VWF: variants seen among roughly 807,000 people sequenced by gnomAD.
VWF encodes the protein von Willebrand factor.
A neutral mutation model predicts 308.6 loss-of-function variants in VWF; 176 were observed. The observed-to-expected ratio is 0.57, with a 90% confidence interval of 0.50 to 0.65. The LOEUF is 0.65. VWF is among the 30% of genes least tolerant of loss of function. The pLI is 0.00. For missense variants in VWF, 3,146 were observed against 3,648.2 expected (o/e 0.86, Z 3.55); for synonymous variants, 1,385 against 1,443.4 (o/e 0.96, Z 0.92).
intron 48 of VWF, 148 bp downstream of exon 48, chr12:5,953,348 A>G: frequency 1.5e-6 from 1 of 667,156 alleles, no homozygotes; most frequent in Non-Finnish European, 2.6e-6. Context: ...GCAATAAGTC[A>G]TCTATCTTTT....
Position 5,983,177 on chromosome 12 carries a change from C to G in VWF, c.7054G>C (p.Gly2352Arg). The change falls in exon 41 of 52, where the codon GGC becomes CGC. Residue 2352 changes from glycine (G) to arginine (R), a missense_variant. By Grantham distance (125) the Gly-to-Arg change is moderately radical (BLOSUM62 -2). Around this residue, in one of 3 missense-constraint regions of VWF, gnomAD observed 989 missense variants for 1,117.4 expected, o/e 0.89. Coordinates refer to ENST00000261405, the MANE Select transcript of VWF (RefSeq NM_000552.5). Reference protein sequence around the residue: ...RGLQPTLTNPGECRPNFTCAC... With the variant: ...RGLQPTLTNPRECRPNFTCAC... ...CAGGTGAAGTTGGGTCTGCACTCGC[C>G]AGGGTTGGTCAGTGTGGGCTGGAGG... is the stretch of plus-strand genomic sequence containing the variant. 6.2e-7 allele frequency: 1 copy of G among 1,614,018 alleles called. No individual in the cohort carries two copies. The highest frequency in any genetic ancestry group is 8.5e-7 in the Non-Finnish European group (1 of 1,179,976).
At chr12:6,050,224 G>A (rs1944494080) in intron 16 of VWF, among the ~76,000 whole-genome samples, 1 of 152,184 alleles carries the variant, frequency 6.6e-6, no homozygotes, top group Admixed American at 6.5e-5. Flanking sequence ...AGAACTCCAG[G>A]GCCATCTGCA....
At chr12:6,062,126 ATCC>A (rs34989239) in intron 13 of VWF, among the ~76,000 whole-genome samples, 1 of 152,212 alleles carries the variant, frequency 6.6e-6, no homozygotes, top group East Asian at 1.9e-4. Flanking sequence ...AATAAATATA[ATCC>A]TCCTACAAGA....
chr12:5,964,254 A>ACATGCATG (rs1242060457), intron 47 of VWF, among the ~76,000 whole-genome samples: 1 of 129,918 alleles, frequency 7.7e-6, no homozygotes, highest in African/African-American at 3.1e-5. Context: ...ATACATGCAT[A>ACATGCATG]CATACATACA....
chr12:6,014,193 G>C (rs1359675778), intron 31 of VWF, among the ~76,000 whole-genome samples: 3 of 152,056 alleles, frequency 2.0e-5, no homozygotes, highest in Non-Finnish European at 2.9e-5. Flanking sequence ...TGCTCCCGGG[G>C]GCTGGGGAGA....
rs59136197 is a variant in VWF, at chr12:6,107,094, G to C, written c.532+3280C>G. Among the ~76,000 whole-genome samples, 93 of 152,198 alleles carry C rather than the reference G, an allele frequency of 6.1e-4. No homozygotes were observed. In the East Asian group the frequency reaches 9.6e-3, roughly 16 times the overall value. ...TAGCAATAAATAGGAACAAACTACT[G>C]ATACATGCACCAATATGGATTAACC... On this transcript the variant is annotated intron_variant, in intron 5 of 51. Transcript: ENST00000261405.
intron 3 of VWF, among the ~76,000 whole-genome samples, chr12:6,117,591 G>A (rs977872396): frequency 6.6e-6 from 1 of 152,160 alleles, no homozygotes; most frequent in Non-Finnish European, 1.5e-5. Context: ...CGAGGCGGGC[G>A]GATCACCTGA....
intron 43 of VWF, among the ~76,000 whole-genome samples, chr12:5,972,172 G>A (rs1197017743): frequency 3.3e-5 from 5 of 152,194 alleles, no homozygotes; most frequent in Admixed American, 1.3e-4. Flanking sequence ...GCAGATTTGG[G>A]CTTCCCCAAG....
intron 6 of VWF, among the ~76,000 whole-genome samples, chr12:6,087,010 T>C (rs534187004): frequency 2.6e-5 from 4 of 152,196 alleles, no homozygotes; most frequent in African/African-American, 9.6e-5. Context: ...TACAAGATAA[T>C]GGAGGACGCG....
Position 6,019,188 on chromosome 12 carries a change from A to G in VWF, c.4230T>C (p.Ile1410=), listed in dbSNP as rs747690875. The G allele has an allele frequency of 5.0e-6, 8 of 1,613,862 alleles. No individual in the cohort carries two copies. In the Admixed American group the frequency reaches 1.0e-4, roughly 20 times the overall value. ...GGGGCCCAATGCCCACCGGGATCAC[A>G]ATGACCTTCTTCTTCTTCAGGCCCT... ...YVQGLKKKKV[I]VIPVGIGPHA... Residue 1410 remains isoleucine, a synonymous_variant, in exon 28 of 52, where the codon ATT becomes ATC. Transcript: ENST00000261405. The surrounding 1 kb of genome is among the most constrained non-coding windows in gnomAD (Gnocchi z 5.8).
At chr12:6,017,386 A>T (rs1339454849) in intron 28 of VWF, among the ~76,000 whole-genome samples, 1 of 152,218 alleles carries the variant, frequency 6.6e-6, no homozygotes, top group Non-Finnish European at 1.5e-5. Context: ...AAATGATGTA[A>T]TTGTTGTTTT....
chr12:6,036,583 G>C, intron 18 of VWF, 92 bp from the exon 19 acceptor site: 1 of 1,209,008 alleles, frequency 8.3e-7, no homozygotes, highest in Middle Eastern at 1.9e-4. Context: ...TCTGAGACTT[G>C]AGCCTACGGG....
intron 20 of VWF, 121 bp from the exon 21 acceptor site, chr12:6,031,699 T>C (rs1416450384): frequency 8.1e-6 from 12 of 1,481,720 alleles, no homozygotes; most frequent in Non-Finnish European, 1.1e-5. Flanking sequence ...GCCACGTCCA[T>C]GGCTGCGCAT....
intron 15 of VWF, among the ~76,000 whole-genome samples, chr12:6,055,151 T>C (rs1944561997): frequency 6.6e-6 from 1 of 152,226 alleles, no homozygotes; most frequent in Admixed American, 6.5e-5. Context: ...TCCCCTGTTC[T>C]GTTCAGTGGA....
chr12:6,011,997 A>C lies in VWF; in HGVS notation c.5664+90T>G, dbSNP rs1409511109. 2.0e-6 allele frequency: 3 copies of C among 1,516,074 alleles called. No homozygotes were observed. The African/African-American group carries it at 4.2e-5, about 21-fold the overall frequency. 93.9% of individuals were successfully genotyped at this position (1,516,074 alleles called of 1,614,324 possible). A position where few individuals can be genotyped will look rare whatever the true frequency, so the allele number is the denominator to read the frequency against. On this transcript the variant is annotated intron_variant, in intron 33 of 51. Coordinates refer to ENST00000261405, the MANE Select transcript of VWF (RefSeq NM_000552.5). ...TAATAGTAAAAGGAAGCACTGGACT[A>C]AGACCAAAGGAGGAAAAATTAACCA...
In VWF at chr12:6,092,628, T is replaced by TGAGAGAGAGAGAGAGAGA. The variant is rs1565386731; in HGVS notation, c.657+2831_657+2832insTCTCTCTCTCTCTCTCTC. Among the ~76,000 whole-genome samples, 54 of 80,220 alleles carry TGAGAGAGAGAGAGAGAGA rather than the reference T, an allele frequency of 6.7e-4. 1 individual carries two copies. The highest frequency in any genetic ancestry group is 3.4e-3 in the African/African-American group (45 of 13,272). 52.6% of individuals were successfully genotyped at this position (80,220 alleles called of 152,430 possible). A position where few individuals can be genotyped will look rare whatever the true frequency, so the allele number is the denominator to read the frequency against. Reference sequence around the variant, plus strand: ...TAGTGAGTGAGTGAGAGTGTGTGTGTGTGTGTGTGTGTGTGTGTGTGTGTG... The same window carrying TGAGAGAGAGAGAGAGAGA: ...TAGTGAGTGAGTGAGAGTGTGTGTGTGAGAGAGAGAGAGAGAGAGTGTGTGTGTGTGTGTGTGTGTGTG... On this transcript the variant is annotated intron_variant, in intron 6 of 51. Coordinates refer to ENST00000261405, the MANE Select transcript of VWF (RefSeq NM_000552.5).
At position 5,996,114 on chromosome 12, in the gene VWF, A is replaced by G; in HGVS notation, c.5951T>C (p.Leu1984Pro). The G allele has an allele frequency of 6.2e-7, 1 of 1,614,140 alleles. No individual in the cohort carries two copies. Among genetic ancestry groups the G allele is most frequent in the Non-Finnish European group, 8.5e-7 (1 of 1,180,026 alleles). Residue 1984 changes from leucine (L) to proline (P), a missense_variant, in exon 35 of 52, where the codon CTG becomes CCG. Leu to Pro is a moderately conservative substitution (Grantham distance 98). This residue lies in a region of VWF where 989 missense variants were observed against 1,117.4 expected (regional missense o/e 0.89). Coordinates refer to ENST00000261405, the MANE Select transcript of VWF (RefSeq NM_000552.5). ...YVLFQNKEQD[L>P]EVILHNGACS... is the part of the protein sequence containing the mutation. The stretch of plus-strand genomic sequence containing the variant: ...GGCACCATTATGGAGAATCACCTCC[A>G]GGTCCTGCTCCTTGTTTTGAAATAG...
chr12:6,091,399 A>G (rs1945033646), intron 6 of VWF, among the ~76,000 whole-genome samples: 1 of 152,162 alleles, frequency 6.6e-6, no homozygotes, highest in Non-Finnish European at 1.5e-5. Context: ...CTACAAGTAA[A>G]GGAGTCTGGA....
intron 5 of VWF, among the ~76,000 whole-genome samples, chr12:6,099,911 G>A (rs1243230965): frequency 6.6e-6 from 1 of 151,898 alleles, no homozygotes; most frequent in Non-Finnish European, 1.5e-5. Flanking sequence ...TTAAACTAAA[G>A]AGCTTCTGCA....
Sources: allele counts gnomAD v4.1 joint callset (sites outside exome capture counted in the v4.1 genomes callset), GRCh38; gene constraint gnomAD v4.1.1; regional missense constraint gnomAD v4.1.1; non-coding constraint Gnocchi (gnomAD v3.1); transcripts MANE v1.5; gene names NCBI Gene and HGNC (gene_info 2026-07-23, HGNC 2026-07-21).